CHAT: variants seen among roughly 807,000 people sequenced by gnomAD.
CHAT encodes acetyl CoA:choline O-acetyltransferase.
A neutral mutation model predicts 76.9 loss-of-function variants in CHAT; 61 were observed. The observed-to-expected ratio is 0.79, with a 90% CI of 0.65 to 0.98. The LOEUF is 0.98. Among genes scored for constraint, CHAT ranks in the 50% least tolerant of loss-of-function variants. The pLI is 0.00. For synonymous variants in CHAT, 407 were observed against 397.4 expected (o/e 1.02, Z -0.29); for missense variants, 946 against 986.9 (o/e 0.96, Z 0.56).
intron 11 of CHAT, among the ~76,000 whole-genome samples, chr10:49,653,518 C>A (rs191044591): frequency 1.3e-5 from 2 of 152,216 alleles, no homozygotes; most frequent in East Asian, 3.9e-4. Flanking sequence ...ACAGGCAGCA[C>A]CCGTGTAGAC....
rs760123165 is a variant in CHAT, at chr10:49,664,944, C to T, written c.2145C>T (p.Leu715=). The change falls in exon 15 of 15, where the codon CTC becomes CTT. Residue 715 remains leucine, a synonymous_variant. Coordinates refer to ENST00000337653, the MANE Select transcript of CHAT (RefSeq NM_020549.5). ...SKFAKAVEES[L]IDMRDLCSLL... is the part of the protein sequence containing the mutation. Reference sequence around the variant, plus strand: ...TTGCAAAAGCTGTGGAAGAAAGCCTCATTGACATGAGAGACCTCTGCAGTC... The same window carrying T: ...TTGCAAAAGCTGTGGAAGAAAGCCTTATTGACATGAGAGACCTCTGCAGTC... 1 of 1,614,258 alleles carries T rather than the reference C, an allele frequency of 6.2e-7. No homozygotes were observed. Among genetic ancestry groups the T allele is most frequent in the Non-Finnish European group, 8.5e-7 (1 of 1,180,052 alleles).
chr10:49,652,168 T>C (rs1289726349), intron 11 of CHAT, among the ~76,000 whole-genome samples, 162 bp downstream of exon 11: 2 of 152,068 alleles, frequency 1.3e-5, no homozygotes, highest in South Asian at 2.1e-4. Context: ...CTGAACTGGG[T>C]TACAAATCCA....
Position 49,667,463 on chromosome 10 carries a change from C to T in CHAT, c.*2417C>T, listed in dbSNP as rs577082163. On this transcript the variant is annotated 3_prime_UTR_variant, in exon 15 of 15. Transcript: ENST00000337653. The stretch of plus-strand genomic sequence containing the variant: ...TATGCACTGTGAGGGCTATGAGAAG[C>T]GCAAACAGTAAACGCTTGGCAGGAG... Among the ~76,000 whole-genome samples, 29 of 152,340 alleles carry T rather than the reference C, an allele frequency of 1.9e-4. No individual in the cohort carries two copies. The highest frequency in any genetic ancestry group is 6.5e-4 in the Admixed American group (10 of 15,304).
chr10:49,621,746 A>G (rs1031363870), intron 4 of CHAT, among the ~76,000 whole-genome samples: 1 of 151,976 alleles, frequency 6.6e-6, no homozygotes, highest in Non-Finnish European at 1.5e-5. Flanking sequence ...CTCCTCTTCA[A>G]GATGATTCCA....
At chr10:49,640,950 C>A (rs1839459175) in intron 7 of CHAT, among the ~76,000 whole-genome samples, 1 of 152,176 alleles carries the variant, frequency 6.6e-6, no homozygotes, top group East Asian at 1.9e-4. Context: ...AAAACAACCC[C>A]ACAGTGTATT....
At chr10:49,631,586 T>C (rs560500360) in intron 7 of CHAT, among the ~76,000 whole-genome samples, 1 of 152,284 alleles carries the variant, frequency 6.6e-6, no homozygotes, top group African/African-American at 2.4e-5. Context: ...GGTGAGAGCA[T>C]AGCAGGGCCG....
At chr10:49,664,009 C>T (rs1840277277) in intron 14 of CHAT, among the ~76,000 whole-genome samples, 1 of 152,210 alleles carries the variant, frequency 6.6e-6, no homozygotes, top group Admixed American at 6.5e-5. Context: ...CACCAGAAAC[C>T]TGTAGGTTTA....
chr10:49,615,929 C>A, intron 1 of CHAT: 2 of 1,102,122 alleles, frequency 1.8e-6, no homozygotes, highest in East Asian at 2.4e-5. Context: ...GGCCACAGGC[C>A]AGGCTCCCAA....
At chr10:49,641,277 C>A (rs1433426193) in intron 7 of CHAT, among the ~76,000 whole-genome samples, 2 of 152,200 alleles carry the variant, frequency 1.3e-5, no homozygotes. Context: ...ACAATTCAGT[C>A]CGTAATACCC....
chr10:49,610,791 G>A (rs757428332), upstream of CHAT: 21 of 1,584,544 alleles, frequency 1.3e-5, no homozygotes, highest in East Asian at 6.9e-5. Flanking sequence ...CCACCAAGCT[G>A]TCGGAGGCTG....
Position 49,619,096 on chromosome 10 carries a change from C to G in CHAT, c.388-629C>G, listed in dbSNP as rs370212473. Among the ~76,000 whole-genome samples, 15 of 152,246 alleles carry G rather than the reference C, an allele frequency of 9.9e-5. 1 individual carries two copies. The highest frequency in any genetic ancestry group is 3.4e-4 in the African/African-American group (14 of 41,546). ...GGGCATGAATCATCTTCTGAGGAAC[C>G]CTCTTTTAGAATTCTAGTCATTAGG... is the stretch of plus-strand genomic sequence containing the variant. On this transcript the variant is annotated intron_variant, in intron 2 of 14. Coordinates refer to ENST00000337653, the MANE Select transcript of CHAT (RefSeq NM_020549.5).
At position 49,614,306 on chromosome 10, in the gene CHAT, G is replaced by C. The variant is rs768179285; in HGVS notation, c.117G>C (p.Ser39=). 130 of 1,547,820 alleles carry C rather than the reference G, an allele frequency of 8.4e-5. No individual in the cohort carries two copies. In the East Asian group the frequency reaches 3.1e-3, roughly 37 times the overall value. The change falls in exon 1 of 15, where the codon TCG becomes TCC. Residue 39 remains serine (S), a synonymous_variant. Coordinates refer to ENST00000337653, the MANE Select transcript of CHAT (RefSeq NM_020549.5). ...REVRPACFLQ[S]GGRGDPGDVG... ...TGCGGCCAGCTTGCTTTCTCCAGTC[G>C]GGTGGCCGCGGGGACCCGGGCGACG...
At chr10:49,611,229 C>T (rs775910648), upstream of CHAT, 25 of 1,613,740 alleles carry the variant, frequency 1.5e-5, no homozygotes, top group East Asian at 5.6e-4. Context: ...GCGTCATGTT[C>T]GCCTCTACAG....
chr10:49,663,360 C>G (rs901080413), intron 14 of CHAT, among the ~76,000 whole-genome samples: 1 of 152,230 alleles, frequency 6.6e-6, no homozygotes, highest in African/African-American at 2.4e-5. Flanking sequence ...CACCTTACTA[C>G]CTTTCAATCT....
At position 49,649,586 on chromosome 10, in the gene CHAT, C is replaced by A; in HGVS notation, c.1461C>A (p.Cys487Ter). 1 of 1,613,896 alleles carries A rather than the reference C, an allele frequency of 6.2e-7. No homozygotes were observed. The highest frequency in any genetic ancestry group is 8.5e-7 in the Non-Finnish European group (1 of 1,180,030). Reference protein sequence around the residue: ...LPAPRRLRWKCSPEIQGHLAS... With the variant: ...LPAPRRLRWK ...CCCCCCGGAGGCTGCGGTGGAAATG[C>A]TCCCCGGAAATTCAAGGCCACTTAG... Residue 487 changes from cysteine (C) to a stop codon, truncating the protein, a stop_gained, in exon 10 of 15, where the codon TGC (cysteine) becomes TGA (stop). Transcript: ENST00000337653. LOFTEE classifies it high-confidence loss of function.
In CHAT at chr10:49,614,100, A is replaced by T. The variant is rs1299970377; in HGVS notation, c.-90A>T. 1 of 1,543,994 alleles carries T rather than the reference A, an allele frequency of 6.5e-7. No homozygotes were observed. Among genetic ancestry groups the T allele is most frequent in the East Asian group, 2.4e-5 (1 of 40,824 alleles). ...TGTTCTGTGCCCCCTTCTAGAGCCTAAATTTGTTGCCCGAGTTCCTCCGGG... is the reference window on the plus strand; with the variant it reads ...TGTTCTGTGCCCCCTTCTAGAGCCTTAATTTGTTGCCCGAGTTCCTCCGGG... On this transcript the variant is annotated 5_prime_UTR_variant, in exon 1 of 15. Coordinates refer to ENST00000337653, the MANE Select transcript of CHAT (RefSeq NM_020549.5).
At position 49,651,938 on chromosome 10, in the gene CHAT, A is replaced by C. The variant is rs74433353; in HGVS notation, c.1566A>C (p.Thr522=). 2 of 1,614,228 alleles carry C rather than the reference A, an allele frequency of 1.2e-6. No individual in the cohort carries two copies. The highest frequency in any genetic ancestry group is 3.3e-5 in the Admixed American group (2 of 60,030). Reference sequence around the variant, plus strand: ...ATAAGTTTGACAACTATGGGAAAACATTCATTAAGAAGCAGAAATGCAGCC... The same window carrying C: ...ATAAGTTTGACAACTATGGGAAAACCTTCATTAAGAAGCAGAAATGCAGCC... ...IVYKFDNYGK[T]FIKKQKCSPD... Residue 522 remains threonine, a synonymous_variant, in exon 11 of 15, where the codon ACA becomes ACC. Coordinates refer to ENST00000337653, the MANE Select transcript of CHAT (RefSeq NM_020549.5).
intron 13 of CHAT, 140 bp downstream of exon 13, chr10:49,655,588 C>G: frequency 1.3e-6 from 1 of 748,456 alleles, no homozygotes; most frequent in South Asian, 1.4e-5. Flanking sequence ...CTTCACCACT[C>G]GGTCTCTTGT....
chr10:49,648,347 G>T (rs1839748433), intron 8 of CHAT, among the ~76,000 whole-genome samples, 160 bp from the exon 9 acceptor site: 1 of 152,188 alleles, frequency 6.6e-6, no homozygotes, highest in South Asian at 2.1e-4. Context: ...ATATTCTCAG[G>T]CCACTGCAAT....
Sources: gnomAD v4.1 joint callset for allele counts (sites outside exome capture counted in the v4.1 genomes callset) on GRCh38, gnomAD v4.1.1 for gene constraint, MANE v1.5 for transcripts, NCBI Gene and HGNC (gene_info 2026-07-23, HGNC 2026-07-21) for gene names.